MYO5B: variants seen among roughly 807,000 people sequenced by gnomAD.
The protein encoded by MYO5B is unconventional myosin-Vb.
In MYO5B, 143 loss-of-function variants were observed where a neutral mutation model predicts 229.3. The ratio of observed to expected loss-of-function variants is 0.62; its 90% CI spans 0.54 to 0.72. The LOEUF is 0.72. MYO5B is among the 30% of genes least tolerant of loss of function. MYO5B has a pLI of 0.00. For missense variants in MYO5B, 2,321 were observed against 2,331.0 expected (o/e 1.00, Z 0.09); for synonymous variants, 918 against 885.2 (o/e 1.04, Z -0.66).
chr18:50,142,559 C>G (rs188794335), intron 1 of MYO5B, among the ~76,000 whole-genome samples: 1 of 152,234 alleles, frequency 6.6e-6, no homozygotes, highest in Admixed American at 6.5e-5. Flanking sequence ...ATTTTAAAAC[C>G]AAGGTATATA....
chr18:49,883,123 G>A (rs1216729059), intron 22 of MYO5B, among the ~76,000 whole-genome samples: 2 of 152,228 alleles, frequency 1.3e-5, no homozygotes, highest in Non-Finnish European at 2.9e-5. Context: ...AGATCAGGAA[G>A]ACAAGGGTGT....
intron 33 of MYO5B, among the ~76,000 whole-genome samples, chr18:49,846,704 A>G (rs492991): frequency 0.66 from 100,809 of 151,928 alleles, 33,737 homozygotes; most frequent in Admixed American, 0.78. Context: ...AAAATGAGAA[A>G]GCAGCAGTTC....
At chr18:50,083,289 A>C (rs188132156) in intron 1 of MYO5B, among the ~76,000 whole-genome samples, 30 of 152,234 alleles carry the variant, frequency 2.0e-4, no homozygotes, top group Non-Finnish European at 4.0e-4. Context: ...GAGTTTTTTA[A>C]AGTTTCATGA....
intron 1 of MYO5B, among the ~76,000 whole-genome samples, chr18:50,103,537 G>A (rs571828532): frequency 2.8e-4 from 43 of 152,214 alleles, no homozygotes; most frequent in African/African-American, 1.0e-3. Flanking sequence ...ATCACTCGAG[G>A]CCAGGAGTTC....
chr18:49,972,757 T>C (rs564343961), intron 10 of MYO5B, among the ~76,000 whole-genome samples: 2 of 152,086 alleles, frequency 1.3e-5, no homozygotes, highest in Non-Finnish European at 2.9e-5. Context: ...TGTTCTATGC[T>C]CTCCCAAGAG....
rs372225313 is a variant in MYO5B, at chr18:50,019,253, C to T, written c.455+17597G>A. Among the ~76,000 whole-genome samples, 5 of 152,230 alleles carry T rather than the reference C, an allele frequency of 3.3e-5. No individual in the cohort carries two copies. In the South Asian group the frequency reaches 1.0e-3, roughly 32 times the overall value. ...AACGCATAGAAGTCACAGTTCCATC[C>T]TTATTATTTTCCTTGCAGTTTTTAT... On this transcript the variant is annotated intron_variant, in intron 4 of 39. Coordinates refer to ENST00000285039, the MANE Select transcript of MYO5B (RefSeq NM_001080467.3).
chr18:49,966,429 G>A (rs1056041377), intron 10 of MYO5B, among the ~76,000 whole-genome samples: 1 of 152,166 alleles, frequency 6.6e-6, no homozygotes, highest in Non-Finnish European at 1.5e-5. Context: ...TTGAATTGGG[G>A]CCCTTCCAGC....
intron 3 of MYO5B, 39 bp downstream of exon 3, chr18:50,040,104 C>T: frequency 1.2e-6 from 2 of 1,610,274 alleles, no homozygotes; most frequent in Non-Finnish European, 1.7e-6. Context: ...CTGGTAAGCA[C>T]TTTCCAACGC....
chr18:50,126,738 T>C (rs2032170092), intron 1 of MYO5B, among the ~76,000 whole-genome samples: 1 of 152,174 alleles, frequency 6.6e-6, no homozygotes, highest in South Asian at 2.1e-4. Context: ...AAGCCTCCAA[T>C]GCATTTTCAC....
intron 2 of MYO5B, among the ~76,000 whole-genome samples, chr18:50,041,450 T>C (rs1344225386): frequency 6.6e-6 from 1 of 152,176 alleles, no homozygotes; most frequent in Non-Finnish European, 1.5e-5. Flanking sequence ...ATGAAAGGGC[T>C]AAGATAGGCA....
At chr18:49,933,119 C>A (rs151054959) in intron 16 of MYO5B, among the ~76,000 whole-genome samples, 96 of 152,344 alleles carry the variant, frequency 6.3e-4, no homozygotes, top group African/African-American at 2.0e-3. Context: ...GAATTGATTT[C>A]TCCATGGGCT....
chr18:49,936,579 C>T (rs2025252784), intron 15 of MYO5B, among the ~76,000 whole-genome samples: 1 of 152,104 alleles, frequency 6.6e-6, no homozygotes, highest in African/African-American at 2.4e-5. Flanking sequence ...ACATGGGGGA[C>T]AGACTACCCC....
intron 4 of MYO5B, among the ~76,000 whole-genome samples, chr18:50,029,851 A>G (rs189817405): frequency 1.6e-3 from 250 of 152,310 alleles, no homozygotes; most frequent in African/African-American, 5.6e-3. Flanking sequence ...ATACTCCTGC[A>G]TAGCATACCA....
chr18:50,026,601 T>A (rs1331402815), intron 4 of MYO5B, among the ~76,000 whole-genome samples: 1 of 152,180 alleles, frequency 6.6e-6, no homozygotes, highest in Non-Finnish European at 1.5e-5. Context: ...GAAAGTAAAA[T>A]CTGTTCTGAG....
chr18:49,903,374 G>C (rs2024865475), intron 20 of MYO5B, among the ~76,000 whole-genome samples: 1 of 152,112 alleles, frequency 6.6e-6, no homozygotes, highest in South Asian at 2.1e-4. Flanking sequence ...GAATAAATGA[G>C]TAAACAAGCA....
At chr18:50,096,459 A>T (rs2031553071) in intron 1 of MYO5B, among the ~76,000 whole-genome samples, 2 of 151,834 alleles carry the variant, frequency 1.3e-5, no homozygotes, top group Admixed American at 1.3e-4. Flanking sequence ...CCATCCCACC[A>T]AGAGCTAGAA....
intron 17 of MYO5B, among the ~76,000 whole-genome samples, chr18:49,920,582 A>G (rs1332160561): frequency 6.6e-6 from 1 of 152,126 alleles, no homozygotes; most frequent in Non-Finnish European, 1.5e-5. Flanking sequence ...AGGGAAGGAA[A>G]CACAATTCCT....
intron 14 of MYO5B, among the ~76,000 whole-genome samples, chr18:49,939,718 C>T (rs1393369785): frequency 2.6e-5 from 4 of 152,132 alleles, no homozygotes; most frequent in Non-Finnish European, 5.9e-5. Flanking sequence ...CCTCGGCCTC[C>T]GGATGCCCAG....
rs2024904484 is a variant in MYO5B, at chr18:49,906,742, C to T, written c.2203-112G>A. ...AATCCCCTGGCCAGACTTCATGCAC[C>T]CCTCTCTGTAGATGGACACAAAGTC... On this transcript the variant is annotated intron_variant, in intron 18 of 39. Coordinates refer to ENST00000285039, the MANE Select transcript of MYO5B (RefSeq NM_001080467.3). The T allele has an allele frequency of 1.1e-5, 10 of 926,732 alleles. 1 individual carries two copies. The highest frequency in any genetic ancestry group is 1.4e-5 in the Non-Finnish European group (8 of 587,026). The allele number at this position is 926,732 out of a possible 1,614,324, so 57.4% of individuals were successfully genotyped here.
Sources: gnomAD v4.1 joint callset for allele counts (sites outside exome capture counted in the v4.1 genomes callset) on GRCh38, gnomAD v4.1.1 for gene constraint, MANE v1.5 for transcripts, NCBI Gene and HGNC (gene_info 2026-07-23, HGNC 2026-07-21) for gene names.